Variants in PRKG1 observed in about 807,000 individuals in gnomAD.
PRKG1 encodes the protein cGMP-dependent protein kinase 1.
PRKG1 carries 35 observed loss-of-function variants against 88.1 expected under a neutral mutation model. The ratio of observed to expected loss-of-function variants is 0.40; its 90% CI spans 0.30 to 0.53. The LOEUF (loss-of-function observed/expected upper bound fraction) is 0.53. Among genes scored for constraint, PRKG1 ranks in the 20% least tolerant of loss-of-function variants. The probability of loss-of-function intolerance (pLI) is 0.59; values close to 1 mark genes in which losing one functional copy is unlikely to be tolerated. For missense variants in PRKG1, 540 were observed against 839.8 expected, an observed-to-expected ratio of 0.64 and a Z score of 4.41; for synonymous variants, 303 against 292.5, an observed-to-expected ratio of 1.04 and a Z score of -0.37.
chr10:51,841,226 G>A (rs1382121699), intron 4 of PRKG1, among the ~76,000 whole-genome samples: 1 of 152,140 alleles, frequency 6.6e-6, no homozygotes, highest in Non-Finnish European at 1.5e-5. Context: ...ATTCCTGTGT[G>A]ATTTAGTTTA....
intron 9 of PRKG1, among the ~76,000 whole-genome samples, chr10:52,248,331 A>G (rs1389121726): frequency 6.6e-6 from 1 of 152,212 alleles, no homozygotes; most frequent in Non-Finnish European, 1.5e-5. Flanking sequence ...AAATGCATAT[A>G]AAATATTAAG....
intron 3 of PRKG1, among the ~76,000 whole-genome samples, chr10:51,671,411 T>C (rs1376867718): frequency 6.6e-6 from 1 of 152,194 alleles, no homozygotes; most frequent in Non-Finnish European, 1.5e-5. Flanking sequence ...CCATGATCCC[T>C]CTGTAATCTC....
intron 3 of PRKG1, among the ~76,000 whole-genome samples, chr10:51,471,387 C>G (rs73336233): frequency 4.5e-4 from 69 of 151,918 alleles, no homozygotes; most frequent in African/African-American, 1.6e-3. Context: ...CCGTTTTCAA[C>G]CCCACAGGGG....
In PRKG1 at chr10:51,597,504, C is replaced by G. The variant is rs188871447; in HGVS notation, c.592+129668C>G. On this transcript the variant is annotated intron_variant, in intron 3 of 17. Coordinates refer to ENST00000373980, the MANE Select transcript of PRKG1 (RefSeq NM_006258.4). ...TATTTAGAGTACTATATTCTGATATCTCTTGGCATATCTCATATTCCTTCA... is the reference window on the plus strand; with the variant it reads ...TATTTAGAGTACTATATTCTGATATGTCTTGGCATATCTCATATTCCTTCA... Among the ~76,000 whole-genome samples the G allele has an allele frequency of 2.0e-3, 309 of 152,326 alleles. 4 individuals are homozygous for G. Among genetic ancestry groups the G allele is most frequent in the Non-Finnish European group, 8.7e-4 (59 of 68,032 alleles).
intron 3 of PRKG1, among the ~76,000 whole-genome samples, chr10:51,666,783 A>T (rs1373052783): frequency 6.6e-6 from 1 of 151,892 alleles, no homozygotes; most frequent in Non-Finnish European, 1.5e-5. Flanking sequence ...AAGTTTATTT[A>T]TTTATTTATT....
intron 14 of PRKG1, 59 bp downstream of exon 14, chr10:52,282,375 C>G (rs1370629496): frequency 7.0e-7 from 1 of 1,438,650 alleles, no homozygotes; most frequent in African/African-American, 1.4e-5. Context: ...CTACACACTC[C>G]TGCTTTTGTC....
At chr10:52,189,419 G>C (rs1457270042) in intron 9 of PRKG1, among the ~76,000 whole-genome samples, 5 of 152,152 alleles carry the variant, frequency 3.3e-5, no homozygotes, top group African/African-American at 1.2e-4. Context: ...TGGCCTGTTA[G>C]GCACCTGGAC....
chr10:51,791,348 T>TA, intron 3 of PRKG1, among the ~76,000 whole-genome samples: 1 of 152,240 alleles, frequency 6.6e-6, no homozygotes, highest in African/African-American at 2.4e-5. Context: ...ATAAAATGTT[T>TA]GCAATAAATC....
chr10:51,299,569 T>G (rs1261926793), intron 2 of PRKG1: 1 of 472,950 alleles, frequency 2.1e-6, no homozygotes, highest in African/African-American at 2.0e-5. Flanking sequence ...AACATATGTC[T>G]CTAGCCCTAG....
At chr10:52,193,841 T>A (rs969584364) in intron 9 of PRKG1, among the ~76,000 whole-genome samples, 1 of 152,180 alleles carries the variant, frequency 6.6e-6, no homozygotes, top group Non-Finnish European at 1.5e-5. Flanking sequence ...GTTGCTTTTT[T>A]AAAATGTATG....
chr10:52,149,862 C>G (rs997225876), intron 8 of PRKG1, among the ~76,000 whole-genome samples: 1 of 151,396 alleles, frequency 6.6e-6, no homozygotes, highest in Non-Finnish European at 1.5e-5. Context: ...CTTAAGGAAT[C>G]TTGGCCGGCT....
At chr10:51,244,252 A>G (rs1167188107) in intron 2 of PRKG1, among the ~76,000 whole-genome samples, 3 of 151,628 alleles carry the variant, frequency 2.0e-5, no homozygotes, top group Non-Finnish European at 4.4e-5. Flanking sequence ...TATGTGGCAA[A>G]TTGAAATTAA....
chr10:51,945,323 T>C (rs1843001358), intron 5 of PRKG1, among the ~76,000 whole-genome samples: 1 of 151,398 alleles, frequency 6.6e-6, no homozygotes, highest in Non-Finnish European at 1.5e-5. Flanking sequence ...TCTTCCTCCA[T>C]CCTTTTATTT....
chr10:52,110,763 C>G (rs1352455257), intron 7 of PRKG1, among the ~76,000 whole-genome samples: 1 of 152,090 alleles, frequency 6.6e-6, no homozygotes, highest in Non-Finnish European at 1.5e-5. Flanking sequence ...ATAGTTGGTA[C>G]CACTTTATGA....
At chr10:51,854,221 T>C (rs149043895) in intron 4 of PRKG1, among the ~76,000 whole-genome samples, 60 of 152,274 alleles carry the variant, frequency 3.9e-4, no homozygotes, top group African/African-American at 1.4e-3. Context: ...TAAGGTAGAA[T>C]ACTTTAATCT....
chr10:51,892,540 G>A (rs528103361), intron 4 of PRKG1, among the ~76,000 whole-genome samples: 2 of 152,272 alleles, frequency 1.3e-5, no homozygotes, highest in East Asian at 1.9e-4. Context: ...GAGATGAGAG[G>A]TTGAGCAAGA....
At chr10:52,222,468 T>A (rs1160801293) in intron 9 of PRKG1, among the ~76,000 whole-genome samples, 4 of 152,302 alleles carry the variant, frequency 2.6e-5, no homozygotes, top group Non-Finnish European at 5.9e-5. Context: ...TGTTTCTCAA[T>A]GCAATTCTTC....
intron 3 of PRKG1, among the ~76,000 whole-genome samples, chr10:51,715,243 C>T (rs550881016): frequency 1.7e-4 from 26 of 152,136 alleles, no homozygotes; most frequent in Admixed American, 3.9e-4. Context: ...TTATATACAA[C>T]TTAGATTTCA....
chr10:51,525,675 G>A (rs770784477), intron 3 of PRKG1, among the ~76,000 whole-genome samples: 2 of 152,028 alleles, frequency 1.3e-5, no homozygotes, highest in Non-Finnish European at 2.9e-5. Context: ...TCCAGCCTGG[G>A]CAACAGAGTG....
Sources: gnomAD v4.1 joint callset for allele counts (sites outside exome capture counted in the v4.1 genomes callset) on GRCh38, gnomAD v4.1.1 for gene constraint, MANE v1.5 for transcripts, NCBI Gene and HGNC (gene_info 2026-07-23, HGNC 2026-07-21) for gene names.